BCL11A: variants seen among roughly 807,000 people sequenced by gnomAD.
BCL11A encodes the protein BCL11 transcription factor A.
BCL11A carries 2 observed loss-of-function variants against 55.9 expected under a neutral mutation model. That is an observed-to-expected ratio of 0.04 (90% confidence interval 0.01 to 0.11). BCL11A has a LOEUF of 0.11. BCL11A is among the 10% of genes least tolerant of loss of function. BCL11A has a pLI of 1.00. For synonymous variants in BCL11A, 465 were observed against 473.4 expected (o/e 0.98, Z 0.23); for missense variants, 817 against 1,137.1 (o/e 0.72, Z 4.05).
chr2:60,530,954 C>T (rs1424592836), intron 2 of BCL11A, among the ~76,000 whole-genome samples: 2 of 152,196 alleles, frequency 1.3e-5, no homozygotes, highest in Non-Finnish European at 2.9e-5. Context: ...AGGGCGCACC[C>T]TGGGACCCCT....
chr2:60,452,376 GT>G, downstream of BCL11A: 1 of 519,726 alleles, frequency 1.9e-6, no homozygotes, highest in South Asian at 2.4e-5. Flanking sequence ...CTGTTTTTTT[GT>G]TTTTACTTTT....
At chr2:60,522,770 G>A (rs1203578549) in intron 2 of BCL11A, 1 of 152,268 alleles carries the variant, frequency 6.6e-6, no homozygotes, top group African/African-American at 2.4e-5. Flanking sequence ...TGTCTTGGAA[G>A]AAAGTGTTCT....
chr2:60,490,085 A>C (rs1402476354), intron 2 of BCL11A, among the ~76,000 whole-genome samples: 3 of 152,236 alleles, frequency 2.0e-5, no homozygotes, highest in Non-Finnish European at 4.4e-5. Flanking sequence ...AGATTTAAAC[A>C]GTCCTCTATA....
At position 60,551,458 on chromosome 2, in the gene BCL11A, G is replaced by T. The variant is rs531197291; in HGVS notation, c.55+1758C>A. Reference sequence around the variant, plus strand: ...GCCACCTGGCCTAGTCGTGCTCGGGGCGCAGGGGGACTGGTGACCAGACCG... The same window carrying T: ...GCCACCTGGCCTAGTCGTGCTCGGGTCGCAGGGGGACTGGTGACCAGACCG... On this transcript the variant is annotated intron_variant, in intron 1 of 3. Transcript: ENST00000642384. 2.8e-3 allele frequency among the ~76,000 whole-genome samples: 419 copies of T among 152,346 alleles called. 1 individual carries two copies. The highest frequency in any genetic ancestry group is 0.012 in the Admixed American group (187 of 15,314).
Position 60,460,808 on chromosome 2 carries a change from G to A in BCL11A, c.2104C>T (p.Pro702Ser). The A allele has an allele frequency of 6.2e-7, 1 of 1,612,886 alleles. No individual in the cohort carries two copies. Residue 702 changes from proline to serine, a missense_variant, in exon 4 of 4, where the codon CCG (proline) becomes TCG (serine). Around this residue, in one of 4 missense-constraint regions of BCL11A, gnomAD observed 379 missense variants for 425.3 expected, o/e 0.89. Coordinates refer to ENST00000642384, the MANE Select transcript of BCL11A (RefSeq NM_022893.4). ...SENGSLRFST[P>S]PGELDGGISG... ...ATCCCTCCGTCCAGCTCCCCGGGCG[G>A]TGTGGAGAAGCGCAAACTCCCGTTC...
At chr2:60,490,679 T>G (rs1678579966) in intron 2 of BCL11A, among the ~76,000 whole-genome samples, 1 of 152,198 alleles carries the variant, frequency 6.6e-6, no homozygotes, top group African/African-American at 2.4e-5. Flanking sequence ...TGCCTCTAAT[T>G]AATTTCATGT....
chr2:60,467,814 T>C (rs1676886327), intron 3 of BCL11A, among the ~76,000 whole-genome samples: 1 of 111,016 alleles, frequency 9.0e-6, no homozygotes, highest in African/African-American at 3.4e-5. Context: ...GTGATGGTAC[T>C]GGTGGTGATG....
At chr2:60,521,483 C>A (rs903290767) in intron 2 of BCL11A, among the ~76,000 whole-genome samples, 2 of 152,220 alleles carry the variant, frequency 1.3e-5, no homozygotes, top group African/African-American at 2.4e-5. Flanking sequence ...TGCACGAAGC[C>A]CACCAGTGAC....
At chr2:60,473,078 CTG>C (rs140898022) in intron 2 of BCL11A, among the ~76,000 whole-genome samples, 19 of 147,832 alleles carry the variant, frequency 1.3e-4, no homozygotes, top group South Asian at 2.1e-4. Context: ...TATATTGTGA[CTG>C]TGTGCATGTG....
chr2:60,467,402 A>C (rs1371081100), intron 3 of BCL11A, among the ~76,000 whole-genome samples: 1 of 17,336 alleles, frequency 5.8e-5, no homozygotes. Context: ...GGTGATGGTG[A>C]TGGTGATGGT....
At chr2:60,531,151 A>C (rs1669438503) in intron 2 of BCL11A, among the ~76,000 whole-genome samples, 1 of 151,574 alleles carries the variant, frequency 6.6e-6, no homozygotes, top group East Asian at 1.9e-4. Flanking sequence ...TGGCAACCTC[A>C]GAAATTAGAG....
chr2:60,457,611 C>T lies in BCL11A; in HGVS notation c.*2793G>A. ...ATATGCTTTGCATATGAAATTCTTT[C>T]CAATCTAAATATAAAGCACCATTTA... On this transcript the variant is annotated 3_prime_UTR_variant, in exon 4 of 4. Transcript: ENST00000642384. 1 of 1,043,952 alleles carries T rather than the reference C, an allele frequency of 9.6e-7. No individual in the cohort carries two copies. Among genetic ancestry groups the T allele is most frequent in the Non-Finnish European group, 1.2e-6 (1 of 866,036 alleles). The allele number at this position is 1,043,952 out of a possible 1,614,324, so 64.7% of individuals were successfully genotyped here.
At chr2:60,495,888 A>C (rs1678917729) in intron 2 of BCL11A, 1 of 152,034 alleles carries the variant, frequency 6.6e-6, no homozygotes, top group Non-Finnish European at 1.5e-5. Context: ...TCAAACTGTA[A>C]TTCCAGGCTC....
At chr2:60,455,937 G>C (rs1437908017), downstream of BCL11A, among the ~76,000 whole-genome samples, 1 of 152,092 alleles carries the variant, frequency 6.6e-6, no homozygotes, top group Non-Finnish European at 1.5e-5. Flanking sequence ...TCTAAGTTCA[G>C]TGACAAACAT....
intron 2 of BCL11A, among the ~76,000 whole-genome samples, chr2:60,475,732 G>C (rs1420908992): frequency 3.9e-5 from 6 of 152,128 alleles, no homozygotes; most frequent in Non-Finnish European, 4.4e-5. Context: ...AGTGGGGGCA[G>C]GGGGAGGGGT....
Position 60,478,495 on chromosome 2 carries a change from A to T in BCL11A, c.386-9662T>A, listed in dbSNP as rs900861599. ...TGACTGGTGTGTGGACTTCAGGGGAAGCGTGGAAGGCACTTCACAGGCCTA... is the reference window on the plus strand; with the variant it reads ...TGACTGGTGTGTGGACTTCAGGGGATGCGTGGAAGGCACTTCACAGGCCTA... On this transcript the variant is annotated intron_variant, in intron 2 of 3. Transcript: ENST00000642384. Among the ~76,000 whole-genome samples the T allele has an allele frequency of 1.4e-4, 22 of 152,226 alleles. 2 individuals are homozygous for T. The highest frequency in any genetic ancestry group is 1.4e-3 in the Admixed American group (21 of 15,284).
At chr2:60,522,459 G>C (rs1669035119) in intron 2 of BCL11A, 1 of 152,146 alleles carries the variant, frequency 6.6e-6, no homozygotes, top group Non-Finnish European at 1.5e-5. Flanking sequence ...TTCCATCTGG[G>C]TCATGTTTTG....
chr2:60,491,518 C>T (rs892210241), intron 2 of BCL11A, among the ~76,000 whole-genome samples: 12 of 151,938 alleles, frequency 7.9e-5, no homozygotes, highest in Middle Eastern at 3.4e-3. Flanking sequence ...ACTAAAAATA[C>T]AAAATTAGCC....
intron 2 of BCL11A, among the ~76,000 whole-genome samples, chr2:60,490,626 C>T (rs1678575911): frequency 6.6e-6 from 1 of 152,170 alleles, no homozygotes; most frequent in Non-Finnish European, 1.5e-5. Context: ...ATGCACCACT[C>T]CCTGACTCAT....
Sources: allele counts gnomAD v4.1 joint callset (sites outside exome capture counted in the v4.1 genomes callset), GRCh38; gene constraint gnomAD v4.1.1; regional missense constraint gnomAD v4.1.1; transcripts MANE v1.5; gene names NCBI Gene and HGNC (gene_info 2026-07-23, HGNC 2026-07-21).